The following FHIT variants were observed in gnomAD, a reference collection of about 807,000 sequenced individuals.
The protein encoded by FHIT is bis(5'-adenosyl)-triphosphatase.
Under a neutral mutation model 17.9 loss-of-function variants are expected in FHIT, and 19 were observed. The ratio of observed to expected loss-of-function variants is 1.06; its 90% confidence interval spans 0.74 to 1.56. FHIT has a LOEUF of 1.56. Ranked by LOEUF, FHIT falls within the 40% of genes most tolerant of loss-of-function variation. FHIT has a pLI of 0.00. For synonymous variants in FHIT, 81 were observed against 69.7 expected (o/e 1.16, Z -0.81); for missense variants, 248 against 189.2 (o/e 1.31, Z -1.82).
chr3:60,152,432 G>C (rs1347372613), intron 5 of FHIT, among the ~76,000 whole-genome samples: 2 of 152,152 alleles, frequency 1.3e-5, no homozygotes, highest in Non-Finnish European at 2.9e-5. Flanking sequence ...TGTTTCTCCA[G>C]GAGGGAAAGC....
intron 5 of FHIT, among the ~76,000 whole-genome samples, chr3:60,190,392 G>A (rs78283425): frequency 0.011 from 1,623 of 152,100 alleles, 14 homozygotes; most frequent in Non-Finnish European, 0.014. Context: ...AAAAAAGGTG[G>A]AAAAGAACAA....
At chr3:60,127,369 T>C (rs990885350) in intron 5 of FHIT, among the ~76,000 whole-genome samples, 3 of 152,202 alleles carry the variant, frequency 2.0e-5, no homozygotes, top group East Asian at 1.9e-4. Context: ...ATAATCTTCA[T>C]GGCAGAAAAG....
At chr3:59,894,568 A>G in intron 8 of FHIT, among the ~76,000 whole-genome samples, 1 of 151,988 alleles carries the variant, frequency 6.6e-6, no homozygotes, top group East Asian at 1.9e-4. Context: ...GAGTGGGACA[A>G]GTCAAATCTA....
intron 5 of FHIT, among the ~76,000 whole-genome samples, chr3:60,287,621 A>G: frequency 6.6e-6 from 1 of 152,294 alleles, no homozygotes; most frequent in Non-Finnish European, 1.5e-5. Context: ...GCTTTATTTT[A>G]TTTAAGAATT....
At chr3:61,123,829 G>T (rs1412854220) in intron 2 of FHIT, among the ~76,000 whole-genome samples, 8 of 152,134 alleles carry the variant, frequency 5.3e-5, no homozygotes, top group Admixed American at 3.9e-4. Flanking sequence ...ATACCAACAT[G>T]ATATCACTGA....
intron 4 of FHIT, among the ~76,000 whole-genome samples, chr3:60,754,481 A>G (rs2042533074): frequency 6.6e-6 from 1 of 152,152 alleles, no homozygotes; most frequent in Non-Finnish European, 1.5e-5. Context: ...CTCTTTTTAT[A>G]TTAGCCGGGC....
intron 5 of FHIT, among the ~76,000 whole-genome samples, chr3:60,136,671 G>A (rs978216945): frequency 6.6e-6 from 1 of 152,228 alleles, no homozygotes; most frequent in East Asian, 1.9e-4. Context: ...ATAGGACCTT[G>A]AAGATTTCTA....
chr3:60,632,085 T>TG (rs76978521), intron 4 of FHIT, among the ~76,000 whole-genome samples: 1 of 9,430 alleles, frequency 1.1e-4, no homozygotes, highest in Admixed American at 1.4e-3. Context: ...GAAAGAAGTG[T>TG]TTTTTTTTTG....
At chr3:60,464,703 T>C (rs1382950699) in intron 5 of FHIT, among the ~76,000 whole-genome samples, 9 of 152,192 alleles carry the variant, frequency 5.9e-5, no homozygotes, top group Non-Finnish European at 1.3e-4. Flanking sequence ...CATTCTTTTT[T>C]ATAGCTGAAT....
chr3:60,365,088 ATAT>A (rs146744455), intron 5 of FHIT, among the ~76,000 whole-genome samples: 153 of 149,970 alleles, frequency 1.0e-3, no homozygotes, highest in African/African-American at 3.6e-3. Flanking sequence ...TCTCTCTCAT[ATAT>A]TATTACATAT....
At chr3:60,902,566 G>A (rs1180141305) in intron 3 of FHIT, among the ~76,000 whole-genome samples, 1 of 152,166 alleles carries the variant, frequency 6.6e-6, no homozygotes, top group African/African-American at 2.4e-5. Context: ...ATGGTTTGAT[G>A]TAACAATTTT....
At chr3:60,242,243 T>C (rs1319591071) in intron 5 of FHIT, among the ~76,000 whole-genome samples, 1 of 152,132 alleles carries the variant, frequency 6.6e-6, no homozygotes, top group African/African-American at 2.4e-5. Context: ...TCTGTAGCTG[T>C]ATATTTCAAA....
chr3:61,211,361 C>A (rs1463495858), intron 1 of FHIT, among the ~76,000 whole-genome samples: 1 of 152,190 alleles, frequency 6.6e-6, no homozygotes, highest in Non-Finnish European at 1.5e-5. Flanking sequence ...TATCCCACAC[C>A]TGGCTCGAAG....
chr3:59,907,253 G>A lies in FHIT; in HGVS notation c.348+15093C>T, dbSNP rs544425140. ...AGACCACCATCCCATGTTACTTAGC[G>A]GTTTCAACTTTGTAGCACAGTTACT... On this transcript the variant is annotated intron_variant, in intron 8 of 9. Transcript: ENST00000492590. 2.3e-4 allele frequency among the ~76,000 whole-genome samples: 35 copies of A among 152,228 alleles called. 1 individual carries two copies. In the South Asian group the frequency reaches 5.8e-3, roughly 25 times the overall value.
At chr3:60,201,315 G>T (rs1421417585) in intron 5 of FHIT, among the ~76,000 whole-genome samples, 2 of 151,924 alleles carry the variant, frequency 1.3e-5, no homozygotes, top group East Asian at 3.9e-4. Flanking sequence ...TACATTGTGG[G>T]TTTGTATTTC....
intron 5 of FHIT, among the ~76,000 whole-genome samples, chr3:60,504,261 C>A (rs1278076343): frequency 1.3e-5 from 2 of 151,934 alleles, no homozygotes; most frequent in Admixed American, 1.3e-4. Flanking sequence ...TGGTGAAACC[C>A]CGTCTCTACT....
At chr3:61,071,126 C>T (rs563751014) in intron 2 of FHIT, among the ~76,000 whole-genome samples, 21 of 152,168 alleles carry the variant, frequency 1.4e-4, no homozygotes, top group African/African-American at 4.8e-4. Flanking sequence ...GCATAATGAA[C>T]TCAGCAATCC....
chr3:60,534,236 G>A (rs1304457268), intron 5 of FHIT, among the ~76,000 whole-genome samples: 2 of 147,738 alleles, frequency 1.4e-5, no homozygotes, highest in Non-Finnish European at 3.0e-5. Context: ...GACCATCCTG[G>A]CTAACAAGGT....
chr3:60,051,528 A>C (rs1034409384), intron 5 of FHIT, among the ~76,000 whole-genome samples: 4 of 152,046 alleles, frequency 2.6e-5, no homozygotes, highest in African/African-American at 9.7e-5. Context: ...TTTCCGTAAG[A>C]TATGCCCACC....
Sources: gnomAD v4.1 joint callset for allele counts (sites outside exome capture counted in the v4.1 genomes callset) on GRCh38, gnomAD v4.1.1 for gene constraint, MANE v1.5 for transcripts, NCBI Gene and HGNC (gene_info 2026-07-23, HGNC 2026-07-21) for gene names.